The following FNIP2 variants were observed in gnomAD, a reference collection of about 807,000 sequenced individuals.
FNIP2 encodes the protein folliculin-interacting protein 2.
In FNIP2, 32 loss-of-function variants were observed where a neutral mutation model predicts 108.7. The observed-to-expected ratio is 0.29, with a 90% CI of 0.22 to 0.40. The LOEUF (loss-of-function observed/expected upper bound fraction) is 0.40, where lower values mean the gene tolerates loss of function less well. Among genes scored for constraint, FNIP2 ranks in the 10% least tolerant of loss-of-function variants. The probability of loss-of-function intolerance (pLI) is 1.00; values close to 1 mark genes in which losing one functional copy is unlikely to be tolerated. For missense variants in FNIP2, 1,202 were observed against 1,381.6 expected (o/e 0.87, Z 2.06); for synonymous variants, 480 against 496.7 (o/e 0.97, Z 0.45).
intron 7 of FNIP2, among the ~76,000 whole-genome samples, chr4:158,846,695 T>C (rs1779421757): frequency 6.6e-6 from 1 of 152,090 alleles, no homozygotes; most frequent in South Asian, 2.1e-4. Flanking sequence ...GAGAAAAGCG[T>C]AACAAATGAT....
rs1780089571 is a variant in FNIP2 at position 158,858,088 on chromosome 4, G to T, written c.858-969G>T. The stretch of plus-strand genomic sequence containing the variant: ...TAAGTAAATAAGTTGAAGACCAGGG[G>T]GCAGAAGGCTAATTCTCATATTCTG... On this transcript the variant is annotated intron_variant, in intron 8 of 16. Coordinates refer to ENST00000264433, the MANE Select transcript of FNIP2 (RefSeq NM_020840.3). Among the ~76,000 whole-genome samples the T allele has an allele frequency of 2.0e-5, 3 of 152,130 alleles. No individual in the cohort carries two copies. The South Asian group carries it at 6.2e-4, about 32-fold the overall frequency.
At chr4:158,769,970 C>T (rs1209458635) in intron 1 of FNIP2, among the ~76,000 whole-genome samples, 1 of 152,140 alleles carries the variant, frequency 6.6e-6, no homozygotes, top group Admixed American at 6.5e-5. Flanking sequence ...GAACACATAC[C>T]TTTGAATATT....
At chr4:158,873,717 G>A (rs761960128) in intron 14 of FNIP2, among the ~76,000 whole-genome samples, 18 of 152,106 alleles carry the variant, frequency 1.2e-4, no homozygotes, top group Non-Finnish European at 2.5e-4. Flanking sequence ...ATTTAAACAC[G>A]TATTCTTGTT....
chr4:158,868,437 T>C lies in FNIP2; in HGVS notation c.1801T>C (p.Cys601Arg), dbSNP rs1780720174. Residue 601 changes from cysteine to arginine, a missense_variant, in exon 13 of 17, where the codon TGC becomes CGC. By Grantham distance (180) the Cys-to-Arg change is radical (BLOSUM62 -3). This residue lies in a region of FNIP2 where 878 missense variants were observed against 990.3 expected (regional missense o/e 0.89). Transcript: ENST00000264433. This position sits in a 1 kb window ranked among gnomAD's most constrained non-coding sequence, Gnocchi z 4.6. The stretch of plus-strand genomic sequence containing the variant: ...CCCCTGGCCGACAGGGTTTCCTGAG[T>C]GCCCAGAGGGCACTGACAGTAGAGA... ...HNPWPTGFPE[C>R]PEGTDSRDLG... is the part of the protein sequence containing the mutation. The C allele has an allele frequency of 6.2e-7, 1 of 1,613,886 alleles. No individual in the cohort carries two copies. The highest frequency in any genetic ancestry group is 1.1e-5 in the South Asian group (1 of 91,080).
At position 158,870,483 on chromosome 4, in the gene FNIP2, G is replaced by A. The variant is rs766371375; in HGVS notation, c.2949+14G>A. On this transcript the variant is annotated intron_variant, in intron 14 of 16. Coordinates refer to ENST00000264433, the MANE Select transcript of FNIP2 (RefSeq NM_020840.3). Reference sequence around the variant, plus strand: ...CACACAGTCCATGTAAGTGATCCCAGTGTGGAGCCTCTGGCTGCTGACAGT... The same window carrying A: ...CACACAGTCCATGTAAGTGATCCCAATGTGGAGCCTCTGGCTGCTGACAGT... 2 of 1,596,926 alleles carry A rather than the reference G, an allele frequency of 1.3e-6. No individual in the cohort carries two copies. Among genetic ancestry groups the A allele is most frequent in the African/African-American group, 1.3e-5 (1 of 74,536 alleles).
intron 1 of FNIP2, among the ~76,000 whole-genome samples, chr4:158,779,050 G>A (rs1011529012): frequency 9.2e-5 from 14 of 152,274 alleles, no homozygotes; most frequent in East Asian, 7.7e-4. Flanking sequence ...AGGGTGGTGG[G>A]GAAACTTGGA....
chr4:158,839,635 T>C (rs1434176273), intron 7 of FNIP2, among the ~76,000 whole-genome samples: 1 of 152,144 alleles, frequency 6.6e-6, no homozygotes, highest in Non-Finnish European at 1.5e-5. Context: ...CCCAAAATAG[T>C]GGGGTTACAG....
chr4:158,893,529 ACAC>A (rs1351935280), intron 15 of FNIP2: 2 of 562,746 alleles, frequency 3.6e-6, no homozygotes, highest in Non-Finnish European at 6.4e-6. Flanking sequence ...AAGACTGACA[ACAC>A]CTTTTTTCCA....
intron 14 of FNIP2, among the ~76,000 whole-genome samples, chr4:158,887,699 T>C (rs1163003891): frequency 8.4e-6 from 1 of 119,544 alleles, no homozygotes; most frequent in Admixed American, 1.2e-4. Context: ...AATGCACTAC[T>C]GCACTCCAGC....
intron 7 of FNIP2, among the ~76,000 whole-genome samples, chr4:158,838,621 G>A (rs569952437): frequency 5.6e-4 from 85 of 152,300 alleles, no homozygotes; most frequent in African/African-American, 1.9e-3. Flanking sequence ...CAGAAAAATT[G>A]AGAAGGTAGT....
intron 12 of FNIP2, among the ~76,000 whole-genome samples, chr4:158,865,967 C>A (rs536598394): frequency 2.0e-5 from 3 of 151,894 alleles, no homozygotes; most frequent in South Asian, 4.2e-4. Flanking sequence ...GGAATACTCG[C>A]AGAAGGAGGT....
Position 158,842,478 on chromosome 4 carries a change from T to C in FNIP2, c.727+7002T>C, listed in dbSNP as rs553361408. Reference sequence around the variant, plus strand: ...GAAATAATAAAGGACCACATTTTTATGCCCTCCGTAAGTCTTTTGTAGACA... The same window carrying C: ...GAAATAATAAAGGACCACATTTTTACGCCCTCCGTAAGTCTTTTGTAGACA... On this transcript the variant is annotated intron_variant, in intron 7 of 16. Transcript: ENST00000264433. Among the ~76,000 whole-genome samples, 10 of 152,344 alleles carry C rather than the reference T, an allele frequency of 6.6e-5. No homozygotes were observed. In the East Asian group the frequency reaches 1.7e-3, roughly 26 times the overall value.
intron 8 of FNIP2, among the ~76,000 whole-genome samples, chr4:158,855,137 A>C (rs895462339): frequency 6.6e-6 from 1 of 152,158 alleles, no homozygotes; most frequent in African/African-American, 2.4e-5. Context: ...CTTCAGTTCA[A>C]AGTACTCAGC....
Position 158,851,356 on chromosome 4 carries a change from T to A in FNIP2, c.763T>A (p.Ser255Thr). 1 of 1,613,968 alleles carries A rather than the reference T, an allele frequency of 6.2e-7. No individual in the cohort carries two copies. The highest frequency in any genetic ancestry group is 8.5e-7 in the Non-Finnish European group (1 of 1,179,876). ...CAGTCTTTTGATCACACCTTTCCCATCTCCAAGCTCCTCTACATCTTCTTC... is the reference window on the plus strand; with the variant it reads ...CAGTCTTTTGATCACACCTTTCCCAACTCCAAGCTCCTCTACATCTTCTTC... ...LSSLLITPFP[S>T]PSSSTSSSSS... The change falls in exon 8 of 17, where the codon TCT (serine) becomes ACT (threonine). Residue 255 changes from serine to threonine, a missense_variant. Ser to Thr is a moderately conservative substitution (Grantham distance 58, BLOSUM62 1). Around this residue, in one of 5 missense-constraint regions of FNIP2, gnomAD observed 878 missense variants for 990.3 expected, o/e 0.89. Coordinates refer to ENST00000264433, the MANE Select transcript of FNIP2 (RefSeq NM_020840.3).
chr4:158,781,136 T>C (rs540257684), intron 1 of FNIP2, among the ~76,000 whole-genome samples: 8 of 152,270 alleles, frequency 5.3e-5, no homozygotes, highest in Admixed American at 2.6e-4. Context: ...GAAAAACTAA[T>C]TAATAATACA....
intron 14 of FNIP2, among the ~76,000 whole-genome samples, chr4:158,881,967 A>C (rs1781670243): frequency 6.7e-6 from 1 of 149,852 alleles, no homozygotes; most frequent in Non-Finnish European, 1.5e-5. Flanking sequence ...GGAAGTGAGG[A>C]GCGCCTCTTC....
In FNIP2 at chr4:158,769,198, T is replaced by A. The variant is rs1275257128; in HGVS notation, c.-15T>A. On this transcript the variant is annotated 5_prime_UTR_variant, in exon 1 of 17. Coordinates refer to ENST00000264433, the MANE Select transcript of FNIP2 (RefSeq NM_020840.3). ...GCCCCCCGAGCGCCACGGCCGGAGC[T>A]GCGGCGGCGGCATCATGGCCCCGAC... 2.2e-6 allele frequency: 3 copies of A among 1,366,048 alleles called. No homozygotes were observed. The highest frequency in any genetic ancestry group is 3.0e-5 in the African/African-American group (2 of 65,610). The allele number at this position is 1,366,048 out of a possible 1,614,324, so 84.6% of individuals were successfully genotyped here.
At chr4:158,786,826 A>G (rs1232160306) in intron 1 of FNIP2, among the ~76,000 whole-genome samples, 2 of 152,166 alleles carry the variant, frequency 1.3e-5, no homozygotes, top group African/African-American at 2.4e-5. Context: ...CTTTGTCCTT[A>G]TGAATTTTTT....
intron 1 of FNIP2, among the ~76,000 whole-genome samples, chr4:158,804,413 C>CTT (rs35175799): frequency 0.015 from 2,048 of 135,538 alleles, 47 homozygotes; most frequent in African/African-American, 0.037. Flanking sequence ...GTATTATACA[C>CTT]TTTTTTTTTT....
Sources: allele counts gnomAD v4.1 joint callset (sites outside exome capture counted in the v4.1 genomes callset), GRCh38; gene constraint gnomAD v4.1.1; regional missense constraint gnomAD v4.1.1; non-coding constraint Gnocchi (gnomAD v3.1); transcripts MANE v1.5; gene names NCBI Gene and HGNC (gene_info 2026-07-23, HGNC 2026-07-21).